SCGB1A1: variants seen among roughly 807,000 people sequenced by gnomAD.
SCGB1A1 encodes uteroglobin.
A neutral mutation model predicts 7.5 loss-of-function variants in SCGB1A1; 8 were observed. The ratio of observed to expected loss-of-function variants is 1.07; its 90% confidence interval spans 0.63 to 1.92. SCGB1A1 has a LOEUF of 1.92. Ranked by LOEUF, SCGB1A1 falls within the 30% of genes most tolerant of loss-of-function variation. The pLI is 0.00. For missense variants in SCGB1A1, 121 were observed against 112.7 expected (o/e 1.07, Z -0.33); for synonymous variants, 44 against 40.8 (o/e 1.08, Z -0.30).
Position 62,423,156 on chromosome 11 carries a change from C to T in SCGB1A1, c.*65C>T. The T allele has an allele frequency of 2.0e-6, 3 of 1,517,262 alleles. No individual in the cohort carries two copies. The highest frequency in any genetic ancestry group is 1.8e-6 in the Non-Finnish European group (2 of 1,092,292). 94.0% of individuals were successfully genotyped at this position (1,517,262 alleles called of 1,614,324 possible). On this transcript the variant is annotated 3_prime_UTR_variant, in exon 3 of 3. Coordinates refer to ENST00000278282, the MANE Select transcript of SCGB1A1 (RefSeq NM_003357.5). ...CCGCTGCCATGCTTTGAGTCCACGC[C>T]CACCAGCCTTGCTCTCTTCAATAAA...
Position 62,420,921 on chromosome 11 carries a change from C to T in SCGB1A1, c.56-1300C>T, listed in dbSNP as rs374477255. 2.1e-4 allele frequency among the ~76,000 whole-genome samples: 31 copies of T among 150,310 alleles called. 1 individual carries two copies. In the East Asian group the frequency reaches 3.5e-3, roughly 17 times the overall value. ...CTGCACTCCAGCCTGGGCAATAGAG[C>T]GAGACTCCGTCTGAAAACAAATAAA... On this transcript the variant is annotated intron_variant, in intron 1 of 2. Coordinates refer to ENST00000278282, the MANE Select transcript of SCGB1A1 (RefSeq NM_003357.5).
At chr11:62,421,909 G>A (rs1480449703) in intron 1 of SCGB1A1, 2 of 189,134 alleles carry the variant, frequency 1.1e-5, no homozygotes, top group African/African-American at 4.7e-5. Flanking sequence ...CAAGTTTCTG[G>A]TGGGAAATAA....
At chr11:62,420,882 C>T (rs1384119172) in intron 1 of SCGB1A1, among the ~76,000 whole-genome samples, 2 of 151,524 alleles carry the variant, frequency 1.3e-5, no homozygotes, top group East Asian at 3.9e-4. Flanking sequence ...TTGCAGTCAG[C>T]CGAGATGGCA....
At chr11:62,422,559 C>T (rs934043886) in intron 2 of SCGB1A1, 151 bp downstream of exon 2, 24 of 407,102 alleles carry the variant, frequency 5.9e-5, no homozygotes, top group Non-Finnish European at 1.0e-4. Context: ...TCTTTCTAGA[C>T]ATCTCCTCTT....
Position 62,420,274 on chromosome 11 carries a change from C to G in SCGB1A1, c.55+1124C>G, listed in dbSNP as rs1590783444. ...TTTAACACTTACTTCACACAATGTG[C>G]CAATCACTGTCACCCTTTCACATAA... On this transcript the variant is annotated intron_variant, in intron 1 of 2. Transcript: ENST00000278282. 2.0e-5 allele frequency among the ~76,000 whole-genome samples: 3 copies of G among 151,844 alleles called. No homozygotes were observed. The East Asian group carries it at 5.8e-4, about 30-fold the overall frequency.
Position 62,422,392 on chromosome 11 carries a change from G to T in SCGB1A1, c.227G>T (p.Ser76Ile), listed in dbSNP as rs1937820102. The T allele has an allele frequency of 6.2e-7, 1 of 1,613,092 alleles. No individual in the cohort carries two copies. The highest frequency in any genetic ancestry group is 8.5e-7 in the Non-Finnish European group (1 of 1,179,386). Residue 76 changes from serine (S) to isoleucine (I), a missense_variant, in exon 2 of 3, where the codon AGC (serine) becomes ATC (isoleucine). Coordinates refer to ENST00000278282, the MANE Select transcript of SCGB1A1 (RefSeq NM_003357.5). ...VDTLPQKPRE[S>I]IIKLMEKIAQ... ...ACCCTCCCCCAAAAGCCCAGAGAAA[G>T]CATCATTAAGCTCATGGTAACCAGC...
At position 62,422,645 on chromosome 11, in the gene SCGB1A1, G is replaced by C. The variant is rs187068045; in HGVS notation, c.243+237G>C. Among the ~76,000 whole-genome samples, 9 of 147,258 alleles carry C rather than the reference G, an allele frequency of 6.1e-5. No homozygotes were observed. The Admixed American group carries it at 6.2e-4, about 10-fold the overall frequency. ...ACTAGGGTGCAATAGCACGATCTTG[G>C]CTTACTGCAACCTCCACCTCCCAGG... On this transcript the variant is annotated intron_variant, in intron 2 of 2. Transcript: ENST00000278282.
At position 62,419,825 on chromosome 11, in the gene SCGB1A1, G is replaced by T. The variant is rs542780130; in HGVS notation, c.55+675G>T. Among the ~76,000 whole-genome samples, 11 of 152,250 alleles carry T rather than the reference G, an allele frequency of 7.2e-5. 1 individual carries two copies. The South Asian group carries it at 2.3e-3, about 32-fold the overall frequency. Reference sequence around the variant, plus strand: ...AGAGAGACGGAGAGAGGGGGAGAAAGGAAGGAAAGAAGGATCACAGCTCTC... The same window carrying T: ...AGAGAGACGGAGAGAGGGGGAGAAATGAAGGAAAGAAGGATCACAGCTCTC... On this transcript the variant is annotated intron_variant, in intron 1 of 2. Transcript: ENST00000278282.
chr11:62,421,186 C>T (rs541361403), intron 1 of SCGB1A1, among the ~76,000 whole-genome samples: 1 of 152,070 alleles, frequency 6.6e-6, no homozygotes, highest in Admixed American at 6.5e-5. Context: ...GTTCAGAAGG[C>T]AGAGAATTCA....
intron 2 of SCGB1A1, 142 bp from the exon 3 acceptor site, chr11:62,422,917 C>T (rs1000862508): frequency 2.6e-6 from 2 of 760,030 alleles, no homozygotes; most frequent in Admixed American, 4.3e-5. Flanking sequence ...ACAATCCAAG[C>T]CCTTACTACC....
chr11:62,422,784 G>C (rs1448544178), intron 2 of SCGB1A1, among the ~76,000 whole-genome samples: 1 of 152,070 alleles, frequency 6.6e-6, no homozygotes, highest in Non-Finnish European at 1.5e-5. Context: ...GTGTTTGCCA[G>C]GCTGGTCTCG....
chr11:62,419,143 C>T lies in SCGB1A1; in HGVS notation c.48C>T (p.Cys16=). 6.4e-7 allele frequency: 1 copy of T among 1,571,940 alleles called. No individual in the cohort carries two copies. The highest frequency in any genetic ancestry group is 8.7e-7 in the Non-Finnish European group (1 of 1,155,240). Residue 16 remains cysteine (C), a synonymous_variant, in exon 1 of 3, where the codon TGC becomes TGT. Transcript: ENST00000278282. ...CCCTGGTCACACTGGCTCTCTGCTG[C>T]AGCTCCGGTGAGTGCTCAGAGACCC... ...TLTLVTLALC[C]SSASAEICPS...
rs778672742 is a variant in SCGB1A1 at position 62,423,133 on chromosome 11, G to A, written c.*42G>A. ...ATCCCCAACTGCTCCAGCCTCTGCCGCTGCCATGCTTTGAGTCCACGCCCA... is the reference window on the plus strand; with the variant it reads ...ATCCCCAACTGCTCCAGCCTCTGCCACTGCCATGCTTTGAGTCCACGCCCA... On this transcript the variant is annotated 3_prime_UTR_variant, in exon 3 of 3. Coordinates refer to ENST00000278282, the MANE Select transcript of SCGB1A1 (RefSeq NM_003357.5). 18 of 1,601,498 alleles carry A rather than the reference G, an allele frequency of 1.1e-5. No individual in the cohort carries two copies. Among genetic ancestry groups the A allele is most frequent in the Middle Eastern group, 1.6e-4 (1 of 6,066 alleles).
intron 1 of SCGB1A1, chr11:62,421,956 T>G: frequency 3.7e-6 from 1 of 266,956 alleles, no homozygotes; most frequent in Non-Finnish European, 7.1e-6. Flanking sequence ...CCACACTGCA[T>G]TAAAAAATCA....
chr11:62,419,090 TCCA>T lies in SCGB1A1; in HGVS notation c.-2_1del, dbSNP rs778619687. 1.2e-5 allele frequency: 19 copies of T among 1,584,272 alleles called. No individual in the cohort carries two copies. Among genetic ancestry groups the T allele is most frequent in the Non-Finnish European group, 1.6e-5 (19 of 1,162,890 alleles). On this transcript the variant is annotated 5_prime_UTR_variant, in exon 1 of 3. Coordinates refer to ENST00000278282, the MANE Select transcript of SCGB1A1 (RefSeq NM_003357.5). Reference sequence around the variant, plus strand: ...GAGACGGGCCAGAGCATCCCCCTCCTCCACCATGAAACTCGCTGTCACCCTCAC... The same window carrying T: ...GAGACGGGCCAGAGCATCCCCCTCCTCCATGAAACTCGCTGTCACCCTCAC...
chr11:62,420,859 TG>T (rs1408239324), intron 1 of SCGB1A1, among the ~76,000 whole-genome samples: 3 of 151,614 alleles, frequency 2.0e-5, no homozygotes, highest in African/African-American at 7.3e-5. Context: ...CACTTGAACC[TG>T]GGAGGCAGAG....
intron 2 of SCGB1A1, among the ~76,000 whole-genome samples, 185 bp downstream of exon 2, chr11:62,422,593 G>A (rs1271654425): frequency 4.9e-5 from 1 of 20,498 alleles, no homozygotes; most frequent in Admixed American, 4.7e-4. Flanking sequence ...TTTTTTTTTT[G>A]AGACAGAGTC....
chr11:62,421,972 G>A, intron 1 of SCGB1A1: 1 of 300,906 alleles, frequency 3.3e-6, no homozygotes, highest in Non-Finnish European at 6.1e-6. Context: ...AATCAGGCCA[G>A]CAGCTTCTAT....
At chr11:62,422,111 T>C (rs1937809588) in intron 1 of SCGB1A1, 110 bp from the exon 2 acceptor site, 1 of 800,896 alleles carries the variant, frequency 1.2e-6, no homozygotes, top group Non-Finnish European at 2.0e-6. Context: ...AAAAGGCTGC[T>C]ATCTCTCGCT....
Sources: gnomAD v4.1 joint callset for allele counts (sites outside exome capture counted in the v4.1 genomes callset) on GRCh38, gnomAD v4.1.1 for gene constraint, MANE v1.5 for transcripts, NCBI Gene and HGNC (gene_info 2026-07-23, HGNC 2026-07-21) for gene names.